FSD2: variants seen among roughly 807,000 people sequenced by gnomAD.
FSD2 encodes fibronectin type III and SPRY domain containing 2, also known as fibronectin type III and SPRY domain-containing protein 2.
A neutral mutation model predicts 80.4 loss-of-function variants in FSD2; 71 were observed. The ratio of observed to expected loss-of-function variants is 0.88; its 90% CI spans 0.73 to 1.08. The LOEUF (loss-of-function observed/expected upper bound fraction) is 1.08. Ranked by LOEUF, FSD2 falls within the 50% of genes least tolerant of loss-of-function variation. The probability of loss-of-function intolerance (pLI) is 0.00; values close to 1 mark genes in which losing one functional copy is unlikely to be tolerated. For missense variants in FSD2, 923 were observed against 913.8 expected (o/e 1.01, Z -0.13); for synonymous variants, 361 against 329.5 (o/e 1.10, Z -1.03).
intron 1 of FSD2, among the ~76,000 whole-genome samples, chr15:82,800,578 G>C (rs1040979076): frequency 9.9e-5 from 15 of 150,850 alleles, no homozygotes; most frequent in African/African-American, 2.9e-4. Context: ...TGTAATCCCA[G>C]CTACTCGGGA....
intron 1 of FSD2, among the ~76,000 whole-genome samples, chr15:82,794,357 C>A (rs188717153): frequency 6.6e-6 from 1 of 152,036 alleles, no homozygotes; most frequent in East Asian, 1.9e-4. Context: ...TGTATTATTT[C>A]TGTCCTTTTA....
chr15:82,777,341 C>A (rs889981658), intron 6 of FSD2, among the ~76,000 whole-genome samples: 4 of 151,646 alleles, frequency 2.6e-5, no homozygotes, highest in Admixed American at 2.6e-4. Context: ...GACTAGTATA[C>A]AAAAAAAATA....
chr15:82,759,763 CTA>C (rs1378335501), intron 12 of FSD2, among the ~76,000 whole-genome samples, 163 bp from the exon 13 acceptor site: 2 of 151,920 alleles, frequency 1.3e-5, no homozygotes, highest in African/African-American at 4.8e-5. Flanking sequence ...ACTCTCTAAA[CTA>C]TCTCTTTTCT....
intron 1 of FSD2, among the ~76,000 whole-genome samples, chr15:82,789,354 T>TATAATA (rs35989908): frequency 0.049 from 7,223 of 148,884 alleles, 272 homozygotes; most frequent in African/African-American, 0.099. Flanking sequence ...TCTAGAAGGA[T>TATAATA]ATAATAATAA....
intron 11 of FSD2, among the ~76,000 whole-genome samples, chr15:82,763,620 T>C (rs1345290713): frequency 6.6e-6 from 1 of 152,084 alleles, no homozygotes; most frequent in East Asian, 1.9e-4. Flanking sequence ...CTCCCCTGGC[T>C]CCTCTCACCC....
chr15:82,765,237 T>C lies in FSD2; in HGVS notation c.1749A>G (p.Gly583=). The change falls in exon 11 of 13, where the codon GGA becomes GGG. Residue 583 remains glycine, a synonymous_variant. Transcript: ENST00000334574. Reference sequence around the variant, plus strand: ...TCCTTTCACTTCGTACAGCCGTAAGTCCGTCTTCAGAAATGGTCAGCCAGG... The same window carrying C: ...TCCTTTCACTTCGTACAGCCGTAAGCCCGTCTTCAGAAATGGTCAGCCAGG... ...CHPWLTISED[G]LTAVRSERRT... 1 of 1,612,882 alleles carries C rather than the reference T, an allele frequency of 6.2e-7. No individual in the cohort carries two copies. Among genetic ancestry groups the C allele is most frequent in the Non-Finnish European group, 8.5e-7 (1 of 1,179,446 alleles).
At chr15:82,782,104 T>TAATAATAATAAAA (rs749972634) in intron 4 of FSD2, among the ~76,000 whole-genome samples, 1,208 of 118,876 alleles carry the variant, frequency 0.01, 28 homozygotes, top group African/African-American at 0.036. Context: ...ATAATAATAA[T>TAATAATAATAAAA]AAAACTCTTG....
intron 7 of FSD2, among the ~76,000 whole-genome samples, chr15:82,771,030 C>T (rs1342223521): frequency 6.6e-6 from 1 of 152,114 alleles, no homozygotes; most frequent in African/African-American, 2.4e-5. Context: ...TCCATGTCCT[C>T]TTTAGTCCTT....
intron 1 of FSD2, among the ~76,000 whole-genome samples, chr15:82,794,708 T>C (rs1487502016): frequency 1.3e-5 from 2 of 151,936 alleles, no homozygotes; most frequent in Non-Finnish European, 2.9e-5. Context: ...CATATCTTTT[T>C]GATGGATTGG....
chr15:82,782,115 G>A (rs1331229588), intron 4 of FSD2, among the ~76,000 whole-genome samples: 1 of 111,268 alleles, frequency 9.0e-6, no homozygotes, highest in Non-Finnish European at 1.9e-5. Context: ...AAAACTCTTG[G>A]CCGGGCATGG....
At chr15:82,764,492 C>CTTTTTTTTTTTTTTTTTTGTTTT (rs2049363458) in intron 11 of FSD2, among the ~76,000 whole-genome samples, 1 of 86,180 alleles carries the variant, frequency 1.2e-5, no homozygotes, top group Non-Finnish European at 2.2e-5. Context: ...TCTTTACTTG[C>CTTTTTTTTTTTTTTTTTTGTTTT]TTTTTTTTTT....
intron 12 of FSD2, among the ~76,000 whole-genome samples, chr15:82,761,722 C>T (rs1177534125): frequency 6.7e-6 from 1 of 149,264 alleles, no homozygotes; most frequent in African/African-American, 2.5e-5. Context: ...TGCTATGTTG[C>T]CCAAGCTGGC....
intron 10 of FSD2, 95 bp downstream of exon 10, chr15:82,765,803 T>C (rs1192401146): frequency 8.3e-6 from 12 of 1,444,060 alleles, no homozygotes; most frequent in Non-Finnish European, 1.0e-5. Context: ...CATCTGTGCA[T>C]ATTCATCAAT....
chr15:82,756,116 C>T lies in FSD2; in HGVS notation c.*3232G>A, dbSNP rs370325422. The T allele has an allele frequency of 5.0e-5, 20 of 401,728 alleles. No individual in the cohort carries two copies. Among genetic ancestry groups the T allele is most frequent in the African/African-American group, 2.5e-4 (12 of 48,702 alleles). 24.9% of individuals were successfully genotyped at this position (401,728 alleles called of 1,614,324 possible). A position where few individuals can be genotyped will look rare whatever the true frequency, so the allele number is the denominator to read the frequency against. ...CTTCCTATAGAAAATAGGAGTAGTA[C>T]ACTTATAGATGAGAAAACTGGAGAA... is the stretch of plus-strand genomic sequence containing the variant. On this transcript the variant is annotated 3_prime_UTR_variant, in exon 13 of 13. Transcript: ENST00000334574.
intron 1 of FSD2, among the ~76,000 whole-genome samples, chr15:82,793,544 A>G (rs894692204): frequency 1.3e-5 from 2 of 152,226 alleles, no homozygotes; most frequent in Admixed American, 1.3e-4. Context: ...TAGGAGAGAC[A>G]GTGAAGATGG....
intron 6 of FSD2, among the ~76,000 whole-genome samples, chr15:82,776,208 G>A (rs531141761): frequency 6.6e-6 from 1 of 152,280 alleles, no homozygotes; most frequent in Admixed American, 6.5e-5. Flanking sequence ...GATTTCTTGA[G>A]CCCAGGAGTT....
chr15:82,805,068 T>C (rs1184973774), intron 1 of FSD2, among the ~76,000 whole-genome samples: 1 of 151,096 alleles, frequency 6.6e-6, no homozygotes, highest in Non-Finnish European at 1.5e-5. Flanking sequence ...TTAAAAAAAA[T>C]AAAAAAGATG....
intron 12 of FSD2, 118 bp from the exon 13 acceptor site, chr15:82,759,718 T>C (rs2049245879): frequency 1.3e-6 from 1 of 797,044 alleles, no homozygotes; most frequent in Admixed American, 3.0e-5. Flanking sequence ...TAGTATTAAA[T>C]GACTACCAAG....
At chr15:82,785,514 G>C (rs2049974199) in intron 3 of FSD2, among the ~76,000 whole-genome samples, 1 of 151,772 alleles carries the variant, frequency 6.6e-6, no homozygotes, top group African/African-American at 2.4e-5. Flanking sequence ...AGTAGAAATG[G>C]GATTTCACCA....
Sources: gnomAD v4.1 joint callset for allele counts (sites outside exome capture counted in the v4.1 genomes callset) on GRCh38, gnomAD v4.1.1 for gene constraint, MANE v1.5 for transcripts, NCBI Gene and HGNC (gene_info 2026-07-23, HGNC 2026-07-21) for gene names.